CREB5: variants seen among roughly 807,000 people sequenced by gnomAD.
CREB5 encodes cAMP responsive element binding protein 5.
A neutral mutation model predicts 57.1 loss-of-function variants in CREB5; 19 were observed. The observed-to-expected ratio is 0.33, with a 90% CI of 0.23 to 0.49. The LOEUF (loss-of-function observed/expected upper bound fraction) is 0.49. Among genes scored for constraint, CREB5 ranks in the 20% least tolerant of loss-of-function variants. The pLI is 0.99. For synonymous variants in CREB5, 238 were observed against 238.3 expected, an observed-to-expected ratio of 1.00 and a Z score of 0.01; for missense variants, 579 against 671.6, an observed-to-expected ratio of 0.86 and a Z score of 1.52.
intron 5 of CREB5, among the ~76,000 whole-genome samples, chr7:28,670,976 G>T (rs1405766002): frequency 6.6e-6 from 1 of 152,136 alleles, no homozygotes. Flanking sequence ...GACTGTTGCA[G>T]AAAATATAAC....
At chr7:28,439,897 A>G (rs914246555) in intron 1 of CREB5, among the ~76,000 whole-genome samples, 4 of 152,182 alleles carry the variant, frequency 2.6e-5, no homozygotes, top group Admixed American at 6.5e-5. Flanking sequence ...CCCAGAGCCT[A>G]GTAAAAAGCC....
chr7:28,484,675 G>C (rs1238404071), intron 1 of CREB5, among the ~76,000 whole-genome samples: 3 of 152,204 alleles, frequency 2.0e-5, no homozygotes, highest in African/African-American at 7.2e-5. Context: ...CATTGATACA[G>C]ACTCACTTAT....
intron 5 of CREB5, among the ~76,000 whole-genome samples, chr7:28,687,983 C>A (rs1196451014): frequency 6.6e-6 from 1 of 152,188 alleles, no homozygotes; most frequent in East Asian, 1.9e-4. Context: ...AGTCTCTTTC[C>A]ACTCGAAAGT....
At chr7:28,306,568 T>TTTTTTTTTTTTTGTTTG (rs1785191302) in intron 1 of CREB5, among the ~76,000 whole-genome samples, 2 of 132,714 alleles carry the variant, frequency 1.5e-5, no homozygotes, top group African/African-American at 2.8e-5. Context: ...TTTTTTTTTT[T>TTTTTTTTTTTTTGTTTG]TTTTTTTTTT....
chr7:28,655,992 C>T (rs1799318400), intron 5 of CREB5, among the ~76,000 whole-genome samples: 1 of 152,148 alleles, frequency 6.6e-6, no homozygotes, highest in African/African-American at 2.4e-5. Flanking sequence ...AAAAAGCCAA[C>T]AGTTCATTAA....
At chr7:28,497,422 ATT>A (rs931013934) in intron 3 of CREB5, among the ~76,000 whole-genome samples, 1 of 152,152 alleles carries the variant, frequency 6.6e-6, no homozygotes, top group African/African-American at 2.4e-5. Flanking sequence ...GGGAAAAGTA[ATT>A]CTAATTTTTA....
At chr7:28,798,771 AT>A (rs1456338747) in intron 7 of CREB5, among the ~76,000 whole-genome samples, 2 of 152,028 alleles carry the variant, frequency 1.3e-5, no homozygotes, top group Non-Finnish European at 2.9e-5. Flanking sequence ...GACAAGAATC[AT>A]TTTTCTTTCT....
At chr7:28,426,876 C>T (rs1562708788) in intron 1 of CREB5, among the ~76,000 whole-genome samples, 1 of 152,190 alleles carries the variant, frequency 6.6e-6, no homozygotes, top group East Asian at 1.9e-4. Flanking sequence ...TAGATGGTGA[C>T]ACACAGTAGA....
intron 5 of CREB5, among the ~76,000 whole-genome samples, chr7:28,703,928 C>A (rs1049863340): frequency 1.1e-4 from 16 of 152,216 alleles, no homozygotes; most frequent in Non-Finnish European, 1.6e-4. Context: ...ACTGGATCAT[C>A]CATAGGACTC....
At position 28,725,358 on chromosome 7, in the gene CREB5, C is replaced by T. The variant is rs149791958; in HGVS notation, c.702+1026C>T. Among the ~76,000 whole-genome samples the T allele has an allele frequency of 1.1e-3, 160 of 152,280 alleles. 1 individual carries two copies. The highest frequency in any genetic ancestry group is 2.9e-3 in the African/African-American group (120 of 41,568). ...TGGTCACTTTCTCTTGGAAACTTCA[C>T]GCATTTGACTTGCAGCTTCTTGACC... On this transcript the variant is annotated intron_variant, in intron 7 of 10. Transcript: ENST00000357727.
At position 28,737,538 on chromosome 7, in the gene CREB5, CGTATATATATATATATATATATATATAT is replaced by C. The variant is rs1366302805; in HGVS notation, c.702+13207_702+13234del. On this transcript the variant is annotated intron_variant, in intron 7 of 10. Transcript: ENST00000357727. The stretch of plus-strand genomic sequence containing the variant: ...GTGTGTGTATATATGTATATATATA[CGTATATATATATATATATATATATATAT>C]ATATATATATATATATATATATTTT... Among the ~76,000 whole-genome samples the C allele has an allele frequency of 1.6e-3, 76 of 47,918 alleles. 1 individual carries two copies. In the East Asian group the frequency reaches 0.032, roughly 20 times the overall value. The allele number at this position is 47,918 out of a possible 152,430, so 31.4% of individuals were successfully genotyped here.
At chr7:28,427,632 C>G (rs552655314) in intron 1 of CREB5, among the ~76,000 whole-genome samples, 6 of 152,060 alleles carry the variant, frequency 3.9e-5, no homozygotes, top group Non-Finnish European at 8.8e-5. Flanking sequence ...CCCCACGGTG[C>G]CTGTCACAGG....
chr7:28,529,044 A>G (rs1489815487), intron 4 of CREB5, among the ~76,000 whole-genome samples: 2 of 152,204 alleles, frequency 1.3e-5, no homozygotes, highest in South Asian at 4.1e-4. Context: ...TTGGAGGTGG[A>G]AGAATGTGAT....
chr7:28,435,525 A>G (rs1583458670), intron 1 of CREB5: 1 of 596,166 alleles, frequency 1.7e-6, no homozygotes, highest in South Asian at 7.4e-5. Flanking sequence ...AATGAGGGCC[A>G]TATAACCAGC....
At chr7:28,755,665 G>A (rs1422540750) in intron 7 of CREB5, among the ~76,000 whole-genome samples, 4 of 152,134 alleles carry the variant, frequency 2.6e-5, no homozygotes, top group Non-Finnish European at 5.9e-5. Context: ...AACTTACTAA[G>A]CTAGGAATAT....
rs140969541 is a variant in CREB5, at chr7:28,489,295, TC to T, written c.75+1050del. On this transcript the variant is annotated intron_variant, in intron 2 of 10. Coordinates refer to ENST00000357727, the MANE Select transcript of CREB5 (RefSeq NM_182898.4). ...ATAAGAAGGATTCATTGAGGACCCT[TC>T]TTTTTTTTTTTTTTTTTTTTTGAGA... Among the ~76,000 whole-genome samples the T allele has an allele frequency of 1.8e-4, 21 of 115,492 alleles. No homozygotes were observed. The Admixed American group carries it at 2.0e-3, about 11-fold the overall frequency. 75.8% of individuals were successfully genotyped at this position (115,492 alleles called of 152,430 possible). A position where few individuals can be genotyped will look rare whatever the true frequency, so the allele number is the denominator to read the frequency against.
intron 1 of CREB5, among the ~76,000 whole-genome samples, chr7:28,321,899 G>A (rs913720888): frequency 6.6e-6 from 1 of 152,248 alleles, no homozygotes; most frequent in African/African-American, 2.4e-5. Context: ...ACTGACAGTA[G>A]CAGAAAAGAT....
In CREB5 at chr7:28,651,887, C is replaced by T. The variant is rs1435828290; in HGVS notation, c.465-66866C>T. Reference sequence around the variant, plus strand: ...CTAGGTAGCATGGTAGAGGAAGCACCGCTAGGTAGGAATCATGAGAGCTGA... The same window carrying T: ...CTAGGTAGCATGGTAGAGGAAGCACTGCTAGGTAGGAATCATGAGAGCTGA... On this transcript the variant is annotated intron_variant, in intron 5 of 10. Coordinates refer to ENST00000357727, the MANE Select transcript of CREB5 (RefSeq NM_182898.4). 5.9e-5 allele frequency among the ~76,000 whole-genome samples: 9 copies of T among 152,238 alleles called. No homozygotes were observed. The East Asian group carries it at 1.4e-3, about 23-fold the overall frequency.
intron 4 of CREB5, among the ~76,000 whole-genome samples, chr7:28,554,567 T>C (rs1260461603): frequency 6.6e-6 from 1 of 152,224 alleles, no homozygotes; most frequent in African/African-American, 2.4e-5. Context: ...GCTTTTTTCT[T>C]TTCATTTTCC....
Sources: gnomAD v4.1 joint callset for allele counts (sites outside exome capture counted in the v4.1 genomes callset) on GRCh38, gnomAD v4.1.1 for gene constraint, MANE v1.5 for transcripts, NCBI Gene and HGNC (gene_info 2026-07-23, HGNC 2026-07-21) for gene names.